The following DENND1B variants were observed in gnomAD, a reference collection of about 807,000 sequenced individuals.
DENND1B encodes the protein DENN domain-containing protein 1B.
In DENND1B, 59 loss-of-function variants were observed where a neutral mutation model predicts 90.1. The observed-to-expected ratio is 0.65, with a 90% CI of 0.53 to 0.81. The LOEUF is 0.81. Ranked by LOEUF, DENND1B falls within the 40% of genes least tolerant of loss-of-function variation. The pLI is 0.00. For synonymous variants in DENND1B, 337 were observed against 324.6 expected (o/e 1.04, Z -0.41); for missense variants, 862 against 912.6 (o/e 0.94, Z 0.71).
intron 1 of DENND1B, among the ~76,000 whole-genome samples, chr1:197,773,453 C>G (rs546656893): frequency 6.6e-6 from 1 of 152,170 alleles, no homozygotes; most frequent in Non-Finnish European, 1.5e-5. Context: ...CACCATAAAA[C>G]ATTGATAATG....
intron 16 of DENND1B, among the ~76,000 whole-genome samples, chr1:197,548,427 A>G (rs1374412272): frequency 2.0e-5 from 3 of 152,200 alleles, no homozygotes; most frequent in Non-Finnish European, 4.4e-5. Context: ...TCAAATAAGC[A>G]TAATAGTCAT....
At chr1:197,557,956 T>C (rs1381962003) in intron 15 of DENND1B, among the ~76,000 whole-genome samples, 2 of 151,912 alleles carry the variant, frequency 1.3e-5, no homozygotes, top group Non-Finnish European at 2.9e-5. Flanking sequence ...TGCTATCACA[T>C]GTTGCCTTAT....
At chr1:197,781,139 T>C in the DENND1B span, among the ~76,000 whole-genome samples, 2 of 152,194 alleles carry the variant, frequency 1.3e-5, no homozygotes, top group Non-Finnish European at 2.9e-5. Flanking sequence ...ATGGTATTTT[T>C]AAAAATAATA....
intron 10 of DENND1B, among the ~76,000 whole-genome samples, chr1:197,622,007 A>G (rs1298727585): frequency 2.0e-5 from 3 of 151,342 alleles, no homozygotes; most frequent in African/African-American, 7.3e-5. Context: ...ATGGACTTCA[A>G]TTACAACATA....
intron 9 of DENND1B, among the ~76,000 whole-genome samples, chr1:197,645,001 C>G (rs1323478690): frequency 1.3e-5 from 2 of 151,858 alleles, no homozygotes; most frequent in Non-Finnish European, 2.9e-5. Flanking sequence ...CATAGTTATC[C>G]AAAATCATAA....
At chr1:197,643,994 A>G (rs1261354065) in intron 9 of DENND1B, among the ~76,000 whole-genome samples, 2 of 152,210 alleles carry the variant, frequency 1.3e-5, no homozygotes, top group African/African-American at 4.8e-5. Flanking sequence ...AAGAAATCCA[A>G]TTACTTCTTC....
chr1:197,744,927 C>A (rs1571587903), intron 2 of DENND1B, among the ~76,000 whole-genome samples: 1 of 152,218 alleles, frequency 6.6e-6, no homozygotes, highest in East Asian at 1.9e-4. Flanking sequence ...ACCATATACA[C>A]TTTCATGTTA....
chr1:197,688,551 C>T (rs763890088), intron 3 of DENND1B, among the ~76,000 whole-genome samples: 10 of 152,068 alleles, frequency 6.6e-5, no homozygotes, highest in East Asian at 5.8e-4. Context: ...ACAAGGGTAC[C>T]AGGAACACAC....
At chr1:197,567,465 G>C (rs553664451) in intron 15 of DENND1B, among the ~76,000 whole-genome samples, 1 of 152,110 alleles carries the variant, frequency 6.6e-6, no homozygotes, top group African/African-American at 2.4e-5. Context: ...CTGAAAAGAA[G>C]AGAATATTTC....
upstream of DENND1B, among the ~76,000 whole-genome samples, chr1:197,777,171 A>G (rs868635755): frequency 6.6e-6 from 1 of 152,094 alleles, no homozygotes; most frequent in Non-Finnish European, 1.5e-5. Context: ...TTCTCCTTTC[A>G]TTATAATTAA....
chr1:197,541,702 A>G (rs1670348818), intron 18 of DENND1B, among the ~76,000 whole-genome samples: 1 of 152,188 alleles, frequency 6.6e-6, no homozygotes, highest in South Asian at 2.1e-4. Flanking sequence ...AAGGTGAAAA[A>G]GAGGAGAAAA....
At chr1:197,778,224 T>G (rs1187690074), upstream of DENND1B, among the ~76,000 whole-genome samples, 1 of 152,244 alleles carries the variant, frequency 6.6e-6, no homozygotes, top group Non-Finnish European at 1.5e-5. Flanking sequence ...AGTATTTGTC[T>G]GATGTTAGGA....
intron 10 of DENND1B, among the ~76,000 whole-genome samples, chr1:197,635,824 T>C (rs1455170509): frequency 1.3e-5 from 2 of 152,086 alleles, no homozygotes; most frequent in Non-Finnish European, 2.9e-5. Flanking sequence ...TTCAGAAGCA[T>C]GCATGTGGGA....
chr1:197,617,745 G>A lies in DENND1B; in HGVS notation c.687C>T (p.Ile229=). ...GGTATAGAAGAGCAGCTGATCCATGGATACAGGCAGTTAACTGAAATTTGT... is the reference window on the plus strand; with the variant it reads ...GGTATAGAAGAGCAGCTGATCCATGAATACAGGCAGTTAACTGAAATTTGT... The part of the protein sequence containing the change: ...SSKLSTLTAC[I]HGSAALLYPM... The change falls in exon 11 of 23, where the codon ATC becomes ATT. Residue 229 remains isoleucine, a synonymous_variant. Coordinates refer to ENST00000620048, the MANE Select transcript of DENND1B (RefSeq NM_001195215.2). 2 of 1,606,886 alleles carry A rather than the reference G, an allele frequency of 1.2e-6. No homozygotes were observed. Among genetic ancestry groups the A allele is most frequent in the Non-Finnish European group, 1.7e-6 (2 of 1,175,004 alleles).
intron 15 of DENND1B, among the ~76,000 whole-genome samples, chr1:197,570,125 G>A (rs1348673863): frequency 6.6e-6 from 1 of 151,294 alleles, no homozygotes; most frequent in Non-Finnish European, 1.5e-5. Context: ...AGGCACACTG[G>A]TTCATGCCTG....
intron 5 of DENND1B, among the ~76,000 whole-genome samples, chr1:197,671,445 C>A (rs768840097): frequency 2.5e-4 from 38 of 152,150 alleles, no homozygotes; most frequent in Non-Finnish European, 5.6e-4. Flanking sequence ...GCTCATGACA[C>A]AACTAAAAAT....
At chr1:197,574,897 A>G (rs1306513297) in intron 15 of DENND1B, among the ~76,000 whole-genome samples, 1 of 152,234 alleles carries the variant, frequency 6.6e-6, no homozygotes, top group African/African-American at 2.4e-5. Context: ...ATATGTAAAA[A>G]GCTGAAACTG....
intron 10 of DENND1B, among the ~76,000 whole-genome samples, chr1:197,633,318 T>G (rs767499126): frequency 1.3e-5 from 2 of 152,238 alleles, no homozygotes; most frequent in Non-Finnish European, 2.9e-5. Flanking sequence ...AGGGGTGGAC[T>G]GTACCAATTA....
chr1:197,752,646 CTTTA>C (rs1653713818), intron 2 of DENND1B, among the ~76,000 whole-genome samples: 1 of 151,474 alleles, frequency 6.6e-6, no homozygotes, highest in African/African-American at 2.4e-5. Flanking sequence ...AATTTTTTTT[CTTTA>C]TTATTATTAT....
Sources: allele counts gnomAD v4.1 joint callset (sites outside exome capture counted in the v4.1 genomes callset), GRCh38; gene constraint gnomAD v4.1.1; transcripts MANE v1.5; gene names NCBI Gene and HGNC (gene_info 2026-07-23, HGNC 2026-07-21).